Variants in NOL8 observed in about 807,000 individuals in gnomAD.
The protein encoded by NOL8 is nucleolar protein Nop132.
NOL8 carries 93 observed loss-of-function variants against 116.1 expected under a neutral mutation model. The observed-to-expected ratio is 0.80, with a 90% CI of 0.68 to 0.95. NOL8 has a LOEUF of 0.95. NOL8 is among the 40% of genes least tolerant of loss of function. The pLI, the probability that NOL8 is intolerant of heterozygous loss-of-function variation, is 0.00. For synonymous variants in NOL8, 419 were observed against 469.0 expected (o/e 0.89, Z 1.38); for missense variants, 1,291 against 1,382.8 (o/e 0.93, Z 1.05).
Position 92,319,352 on chromosome 9 carries a change from C to A in NOL8, c.286G>T (p.Ala96Ser). ...GCTTTTGCTGCTTCTCTCTCTTGGG[C>A]CAATCTGAATCAAAAAGAAAATACA... ...LAKESFLHRL[A>S]QEREAAKAKK... Residue 96 changes from alanine (A) to serine (S), a missense_variant, in exon 5 of 17, where the codon GCC becomes TCC. Ala to Ser is a moderately conservative substitution (Grantham distance 99). Transcript: ENST00000442668. 1 of 1,550,694 alleles carries A rather than the reference C, an allele frequency of 6.4e-7. No homozygotes were observed. Among genetic ancestry groups the A allele is most frequent in the Admixed American group, 2.2e-5 (1 of 44,464 alleles).
At chr9:92,305,280 A>C (rs537177190) in intron 12 of NOL8, among the ~76,000 whole-genome samples, 2 of 152,290 alleles carry the variant, frequency 1.3e-5, no homozygotes, top group African/African-American at 4.8e-5. Flanking sequence ...GGAGTAATGT[A>C]GTCTCAAGCC....
At position 92,298,134 on chromosome 9, in the gene NOL8, C is replaced by G. The variant is rs1450892219; in HGVS notation, c.3453+123G>C. The G allele has an allele frequency of 4.0e-6, 3 of 741,362 alleles. No homozygotes were observed. The African/African-American group carries it at 5.4e-5, about 13-fold the overall frequency. The allele number at this position is 741,362 out of a possible 1,614,324, so 45.9% of individuals were successfully genotyped here. On this transcript the variant is annotated intron_variant, in intron 16 of 16. Transcript: ENST00000442668. Reference sequence around the variant, plus strand: ...GGCTTGGCTGGATTCTGAGACCAGTCACTCAATTGAGCCAGTCTGCAGTCT... The same window carrying G: ...GGCTTGGCTGGATTCTGAGACCAGTGACTCAATTGAGCCAGTCTGCAGTCT...
rs1839230416 is a variant in NOL8, at chr9:92,314,949, T to C, written c.1676A>G (p.Gln559Arg). ...LEGEENTCGK[Q>R]KPKENNLKPK... ...CTTTAAATTGTTTTCCTTTGGTTTC[T>C]GTTTGCCACAGGTGTTCTCCTCTCC... The change falls in exon 7 of 17, where the codon CAG becomes CGG. Residue 559 changes from glutamine to arginine, a missense_variant. Gln to Arg is a conservative substitution (Grantham distance 43, BLOSUM62 1). Transcript: ENST00000442668. 2 of 1,614,020 alleles carry C rather than the reference T, an allele frequency of 1.2e-6. No individual in the cohort carries two copies. Among genetic ancestry groups the C allele is most frequent in the Non-Finnish European group, 1.7e-6 (2 of 1,179,892 alleles).
intron 9 of NOL8, 81 bp downstream of exon 9, chr9:92,310,472 G>T: frequency 6.9e-7 from 1 of 1,448,942 alleles, no homozygotes; most frequent in Non-Finnish European, 9.4e-7. Flanking sequence ...GTTAAGGTCT[G>T]CCTGCATTTA....
intron 2 of NOL8, 95 bp from the exon 3 acceptor site, chr9:92,323,598 ATAGCTCTTG>A: frequency 1.0e-6 from 1 of 971,136 alleles, no homozygotes; most frequent in Non-Finnish European, 1.5e-6. Context: ...AAAAAAAAAA[ATAGCTCTTG>A]AAAACTTATT....
At position 92,298,276 on chromosome 9, in the gene NOL8, C is replaced by G. The variant is rs758336703; in HGVS notation, c.3434G>C (p.Arg1145Thr). ...ACTCACCATACGCAGGTTGGTTGTT[C>G]TGGCCTCCCAAGAGTTCCTGCTCAT... ...SNMSRNSWEARTTNLRMDCRK... is the reference protein window; with the variant it reads ...SNMSRNSWEATTTNLRMDCRK... Residue 1145 changes from arginine (R) to threonine (T), a missense_variant, in exon 16 of 17, where the codon AGA (arginine) becomes ACA (threonine). Transcript: ENST00000442668. The G allele has an allele frequency of 1.7e-5, 27 of 1,608,368 alleles. No homozygotes were observed. The highest frequency in any genetic ancestry group is 2.2e-5 in the Non-Finnish European group (26 of 1,177,302).
chr9:92,299,799 CAT>C (rs1275152197), intron 14 of NOL8, 89 bp downstream of exon 14: 2 of 1,316,050 alleles, frequency 1.5e-6, no homozygotes, highest in Non-Finnish European at 2.1e-6. Flanking sequence ...ATTTAGTTGT[CAT>C]GTGAAGAGAA....
chr9:92,307,559 A>C (rs946426399), intron 10 of NOL8, among the ~76,000 whole-genome samples: 2 of 152,234 alleles, frequency 1.3e-5, no homozygotes, highest in African/African-American at 4.8e-5. Context: ...ACAAGCTACT[A>C]TCCTCAACTA....
chr9:92,298,881 G>A lies in NOL8; in HGVS notation c.3373+3C>T. ...TGTAATTTGATGAAAAAAATGGACTGACCTTGAAGTCGTTCATCATTCTTA... is the reference window on the plus strand; with the variant it reads ...TGTAATTTGATGAAAAAAATGGACTAACCTTGAAGTCGTTCATCATTCTTA... On this transcript the variant is annotated splice_donor_region_variant and intron_variant, in intron 15 of 16. Transcript: ENST00000442668. 1 of 1,507,680 alleles carries A rather than the reference G, an allele frequency of 6.6e-7. No homozygotes were observed. Among genetic ancestry groups the A allele is most frequent in the Non-Finnish European group, 9.0e-7 (1 of 1,116,930 alleles). 93.4% of individuals were successfully genotyped at this position (1,507,680 alleles called of 1,614,324 possible). A position where few individuals can be genotyped will look rare whatever the true frequency, so the allele number is the denominator to read the frequency against.
At chr9:92,301,898 A>G (rs1018759591) in intron 12 of NOL8, 76 bp from the exon 13 acceptor site, 2 of 1,292,548 alleles carry the variant, frequency 1.5e-6, no homozygotes, top group Admixed American at 3.0e-5. Context: ...AGAAAAGAAA[A>G]AATCTTGGAC....
intron 13 of NOL8, chr9:92,300,221 G>A: frequency 8.2e-7 from 1 of 1,218,338 alleles, no homozygotes; most frequent in Non-Finnish European, 1.0e-6. Context: ...TCATAATTTT[G>A]GCATTGCTAG....
intron 9 of NOL8, 114 bp from the exon 10 acceptor site, chr9:92,310,375 T>C (rs1003853611): frequency 5.1e-6 from 6 of 1,169,576 alleles, no homozygotes; most frequent in African/African-American, 1.5e-5. Context: ...ATTAAGATGT[T>C]TGCCTACCTC....
chr9:92,321,291 G>A (rs1839902420), intron 4 of NOL8, among the ~76,000 whole-genome samples: 1 of 152,150 alleles, frequency 6.6e-6, no homozygotes. Context: ...AGTGGGAAGG[G>A]ACCACTACAT....
At position 92,319,297 on chromosome 9, in the gene NOL8, G is replaced by A; in HGVS notation, c.341C>T (p.Ala114Val). Residue 114 changes from alanine to valine, a missense_variant, in exon 5 of 17, where the codon GCC becomes GTC. Coordinates refer to ENST00000442668, the MANE Select transcript of NOL8 (RefSeq NM_017948.6). ...TCCTCCTGTCTTTTCTAACAAGTTG[G>A]CGTTACCTGTTGTTGATTCTTCTTT... is the stretch of plus-strand genomic sequence containing the variant. ...AKKEESTTGN[A>V]NLLEKTGGVD... 6.3e-7 allele frequency: 1 copy of A among 1,597,066 alleles called. No homozygotes were observed. Among genetic ancestry groups the A allele is most frequent in the Non-Finnish European group, 8.5e-7 (1 of 1,173,368 alleles).
intron 4 of NOL8, 103 bp from the exon 5 acceptor site, chr9:92,319,459 G>A: frequency 8.0e-7 from 1 of 1,250,746 alleles, no homozygotes; most frequent in Non-Finnish European, 1.0e-6. Flanking sequence ...AAACAGCTTT[G>A]TAGTATTAAA....
At position 92,310,686 on chromosome 9, in the gene NOL8, A is replaced by G; in HGVS notation, c.2473-11T>C. 6.3e-7 allele frequency: 1 copy of G among 1,592,426 alleles called. No homozygotes were observed. The highest frequency in any genetic ancestry group is 8.5e-7 in the Non-Finnish European group (1 of 1,173,270). On this transcript the variant is annotated splice_polypyrimidine_tract_variant and intron_variant, in intron 8 of 16. Coordinates refer to ENST00000442668, the MANE Select transcript of NOL8 (RefSeq NM_017948.6). ...TTTACCCATAGACTCCTGTGAAGAA[A>G]CACAACATTTATTAATAGCAGAGGC...
intron 13 of NOL8, 127 bp downstream of exon 13, chr9:92,301,424 C>G: frequency 1.4e-6 from 1 of 729,064 alleles, no homozygotes; most frequent in South Asian, 2.1e-5. Flanking sequence ...CACTAAATCT[C>G]AAATCTTCTA....
chr9:92,305,619 G>A (rs1838167081), intron 12 of NOL8, 134 bp downstream of exon 12: 2 of 673,958 alleles, frequency 3.0e-6, no homozygotes, highest in South Asian at 3.3e-5. Context: ...AACTCTACCT[G>A]CACTACCCCT....
rs752930880 is a variant in NOL8, at chr9:92,315,336, CT to C, written c.1288del (p.Arg430GlufsTer5). The C allele has an allele frequency of 5.1e-5, 82 of 1,612,968 alleles. No homozygotes were observed. Among genetic ancestry groups the C allele is most frequent in the Non-Finnish European group, 6.7e-5 (79 of 1,179,474 alleles). ...LSDHCIKLQKRKSNVESALSH... is the reference protein window; with the variant it reads ...LSDHCIKLQKXKSNVESALSH... ...GAGGGCTGACTCTACATTGCTTTTT[CT>C]TTTTTGTAGTTTAATACAGTGATCA... On this transcript the variant is annotated frameshift_variant, in exon 7 of 17. Transcript: ENST00000442668. LOFTEE classifies it high-confidence loss of function.
Sources: allele counts gnomAD v4.1 joint callset (sites outside exome capture counted in the v4.1 genomes callset), GRCh38; gene constraint gnomAD v4.1.1; transcripts MANE v1.5; gene names NCBI Gene and HGNC (gene_info 2026-07-23, HGNC 2026-07-21).